Variants in ADGRF3 observed in about 807,000 individuals in gnomAD.
ADGRF3 encodes the protein adhesion G protein-coupled receptor F3.
A neutral mutation model predicts 93.2 loss-of-function variants in ADGRF3; 85 were observed. That is an observed-to-expected ratio of 0.91 (90% CI 0.77 to 1.09). ADGRF3 has a LOEUF of 1.09. Ranked by LOEUF, ADGRF3 falls within the 50% of genes least tolerant of loss-of-function variation. ADGRF3 has a pLI of 0.00. For missense variants in ADGRF3, 1,125 were observed against 1,246.2 expected, an observed-to-expected ratio of 0.90 and a Z score of 1.46; for synonymous variants, 534 against 532.5, an observed-to-expected ratio of 1.00 and a Z score of -0.04.
chr2:26,341,101 G>T (rs7584739), intron 1 of ADGRF3, among the ~76,000 whole-genome samples: 1 of 152,060 alleles, frequency 6.6e-6, no homozygotes, highest in South Asian at 2.1e-4. Context: ...TGAGAAGACC[G>T]GGCAAGGTGG....
intron 13 of ADGRF3, 90 bp downstream of exon 13, chr2:26,309,436 C>T: frequency 1.3e-6 from 2 of 1,555,764 alleles, no homozygotes; most frequent in Non-Finnish European, 1.7e-6. Flanking sequence ...AAAGAGGAGG[C>T]TTCTCTCCAG....
rs745944675 is a variant in ADGRF3 at position 26,311,977 on chromosome 2, A to G, written c.1547T>C (p.Leu516Pro). 2 of 1,613,560 alleles carry G rather than the reference A, an allele frequency of 1.2e-6. No homozygotes were observed. The highest frequency in any genetic ancestry group is 1.7e-6 in the Non-Finnish European group (2 of 1,179,868). The part of the protein sequence containing the change: ...ARKPWAGSTL[L>P]LAVETLACSL... ...GCATGCCAGGGTCTCCACAGCCAGCAGGAGAGTCGAGCCTGCCCAGGGCTT... is the reference window on the plus strand; with the variant it reads ...GCATGCCAGGGTCTCCACAGCCAGCGGGAGAGTCGAGCCTGCCCAGGGCTT... The change falls in exon 10 of 14, where the codon CTG becomes CCG. Residue 516 changes from leucine (L) to proline (P), a missense_variant. Coordinates refer to ENST00000651242, the MANE Select transcript of ADGRF3 (RefSeq NM_001321971.2).
chr2:26,344,246 C>A (rs1157816623), intron 1 of ADGRF3, among the ~76,000 whole-genome samples: 2 of 152,110 alleles, frequency 1.3e-5, no homozygotes, highest in African/African-American at 2.4e-5. Context: ...CAGGCTCAAG[C>A]GATTCTCCTG....
intron 1 of ADGRF3, among the ~76,000 whole-genome samples, chr2:26,332,361 C>T (rs1382341499): frequency 6.6e-6 from 1 of 152,182 alleles, no homozygotes; most frequent in African/African-American, 2.4e-5. Context: ...TCATGAAGGG[C>T]TGTCCATACT....
At chr2:26,324,269 A>G (rs1675320695) in intron 1 of ADGRF3, among the ~76,000 whole-genome samples, 1 of 152,108 alleles carries the variant, frequency 6.6e-6, no homozygotes, top group East Asian at 1.9e-4. Flanking sequence ...AAAGAAAAGA[A>G]AGAGAGAAAG....
intron 1 of ADGRF3, among the ~76,000 whole-genome samples, chr2:26,339,792 G>A (rs10199097): frequency 0.013 from 1,993 of 152,226 alleles, 39 homozygotes; most frequent in African/African-American, 0.043. Context: ...TTCCAGAGAC[G>A]AATTCAAGGC....
intron 7 of ADGRF3, 74 bp from the exon 8 acceptor site, chr2:26,313,647 C>T (rs1465822433): frequency 2.2e-5 from 34 of 1,557,900 alleles, no homozygotes; most frequent in African/African-American, 1.4e-4. Flanking sequence ...GAACCCTATG[C>T]GGGCCCCGAA....
chr2:26,310,995 G>T lies in ADGRF3; in HGVS notation c.2529C>A (p.Tyr843Ter). The change falls in exon 10 of 14, where the codon TAC (tyrosine) becomes TAA (stop). Residue 843 changes from tyrosine (Y) to a stop codon, truncating the protein, a stop_gained. Transcript: ENST00000651242. LOFTEE classifies it high-confidence loss of function. Reference protein sequence around the residue: ...TLGLYLPQGQYLREGECWLDG... With the variant: ...TLGLYLPQGQ ...CCAACCAGCATTCCCCCTCCCTCAG[G>T]TATTGCCCTTGAGGTAGGTAGAGCC... is the stretch of plus-strand genomic sequence containing the variant. 6.2e-7 allele frequency: 1 copy of T among 1,613,470 alleles called. No homozygotes were observed. The highest frequency in any genetic ancestry group is 8.5e-7 in the Non-Finnish European group (1 of 1,179,736).
chr2:26,331,710 A>G (rs1558398247), intron 1 of ADGRF3, among the ~76,000 whole-genome samples: 1 of 152,216 alleles, frequency 6.6e-6, no homozygotes, highest in Non-Finnish European at 1.5e-5. Context: ...GCCTGGGTGC[A>G]GAGTGAGACC....
chr2:26,311,607 C>A lies in ADGRF3; in HGVS notation c.1917G>T (p.Gly639=). Residue 639 remains glycine (G), a synonymous_variant, in exon 10 of 14, where the codon GGG becomes GGT. Coordinates refer to ENST00000651242, the MANE Select transcript of ADGRF3 (RefSeq NM_001321971.2). ...CACAGTGAGGGGAACCATCTGTGTT[C>A]CCAAAGTCCATGATGACCTCTCCCT... ...FSQGEVIMDF[G]NTDGSPHCVF... 1 of 1,613,754 alleles carries A rather than the reference C, an allele frequency of 6.2e-7. No homozygotes were observed. Among genetic ancestry groups the A allele is most frequent in the Non-Finnish European group, 8.5e-7 (1 of 1,179,894 alleles).
rs772321502 is a variant in ADGRF3, at chr2:26,311,068, A to T, written c.2456T>A (p.Val819Glu). Residue 819 changes from valine to glutamate, a missense_variant, in exon 10 of 14, where the codon GTG becomes GAG. Transcript: ENST00000651242. ...CAGTGGGCACAGGTAGCCCAGGAGC[A>T]CCATGAGGGGGAGAACTCGGTGCTT... ...LAKHRVLPLM[V>E]LLGYLCPLGL... 3.9e-5 allele frequency: 62 copies of T among 1,607,718 alleles called. No individual in the cohort carries two copies. Among genetic ancestry groups the T allele is most frequent in the Non-Finnish European group, 5.2e-5 (61 of 1,177,230 alleles).
chr2:26,309,245 A>G, intron 13 of ADGRF3, 138 bp from the exon 14 acceptor site: 3 of 1,593,624 alleles, frequency 1.9e-6, no homozygotes, highest in Non-Finnish European at 2.6e-6. Flanking sequence ...TGATAATGTG[A>G]AAAGGAATTT....
At chr2:26,345,130 A>G (rs1676633495) in intron 1 of ADGRF3, among the ~76,000 whole-genome samples, 1 of 152,212 alleles carries the variant, frequency 6.6e-6, no homozygotes, top group Non-Finnish European at 1.5e-5. Context: ...GACTCTGGGC[A>G]GGCTGCCTAA....
In ADGRF3 at chr2:26,319,606, CCTTCCTTCCTTT is replaced by C. The variant is rs1424771272; in HGVS notation, c.115-2056_115-2045del. Among the ~76,000 whole-genome samples, 599 of 63,352 alleles carry C rather than the reference CCTTCCTTCCTTT, an allele frequency of 9.5e-3. 33 individuals are homozygous for C. The highest frequency in any genetic ancestry group is 0.016 in the East Asian group (33 of 2,078). 41.6% of individuals were successfully genotyped at this position (63,352 alleles called of 152,430 possible). A position where few individuals can be genotyped will look rare whatever the true frequency, so the allele number is the denominator to read the frequency against. On this transcript the variant is annotated intron_variant, in intron 1 of 13. Transcript: ENST00000651242. Reference sequence around the variant, plus strand: ...TCCTTCCTTCCTTCCTTCCTTCCTTCCTTCCTTCCTTTCTTTCTTTGTTTCTTTCTTTCTCTT... The same window carrying C: ...TCCTTCCTTCCTTCCTTCCTTCCTTCCTTTCTTTGTTTCTTTCTTTCTCTT...
intron 10 of ADGRF3, 99 bp from the exon 11 acceptor site, chr2:26,310,336 C>G: frequency 7.4e-7 from 1 of 1,347,300 alleles, no homozygotes; most frequent in East Asian, 2.3e-5. Flanking sequence ...CCTAAGGCTT[C>G]TCATCTCAAT....
At chr2:26,328,732 A>G (rs534318335) in intron 1 of ADGRF3, among the ~76,000 whole-genome samples, 1 of 152,218 alleles carries the variant, frequency 6.6e-6, no homozygotes, top group Admixed American at 6.5e-5. Flanking sequence ...GATTACAGGC[A>G]TGAGGCACTG....
In ADGRF3 at chr2:26,314,424, C is replaced by A. The variant is rs754162802; in HGVS notation, c.918G>T (p.Glu306Asp). Residue 306 changes from glutamate (E) to aspartate (D), a missense_variant, in exon 6 of 14, where the codon GAG (glutamate) becomes GAT (aspartate). Coordinates refer to ENST00000651242, the MANE Select transcript of ADGRF3 (RefSeq NM_001321971.2). Reference protein sequence around the residue: ...LAYTAAWSPGEGSKASSFNES... With the variant: ...LAYTAAWSPGDGSKASSFNES... Reference sequence around the variant, plus strand: ...GGCCCCTTCTCATACCTTTGCTGCCCTCTCCAGGGCTCCAGGCCGCGGTGT... The same window carrying A: ...GGCCCCTTCTCATACCTTTGCTGCCATCTCCAGGGCTCCAGGCCGCGGTGT... 6.2e-7 allele frequency: 1 copy of A among 1,613,308 alleles called. No homozygotes were observed. The highest frequency in any genetic ancestry group is 2.2e-5 in the East Asian group (1 of 44,866).
At chr2:26,312,503 A>G (rs1674264710) in intron 9 of ADGRF3, among the ~76,000 whole-genome samples, 1 of 152,210 alleles carries the variant, frequency 6.6e-6, no homozygotes, top group Non-Finnish European at 1.5e-5. Flanking sequence ...CATGCCATGT[A>G]TTCCCAGGCA....
At chr2:26,340,403 A>G (rs1676305352) in intron 1 of ADGRF3, 1 of 151,964 alleles carries the variant, frequency 6.6e-6, no homozygotes, top group African/African-American at 2.4e-5. Flanking sequence ...TCTCCTAGTG[A>G]CTTTCTCTTT....
Sources: allele counts gnomAD v4.1 joint callset (sites outside exome capture counted in the v4.1 genomes callset), GRCh38; gene constraint gnomAD v4.1.1; transcripts MANE v1.5; gene names NCBI Gene and HGNC (gene_info 2026-07-23, HGNC 2026-07-21).